ECT2: variants seen among roughly 807,000 people sequenced by gnomAD.
ECT2 encodes the protein protein ECT2.
Under a neutral mutation model 116.9 loss-of-function variants are expected in ECT2, and 61 were observed. The observed-to-expected ratio is 0.52, with a 90% CI of 0.42 to 0.65. The LOEUF is 0.65. Ranked by LOEUF, ECT2 falls within the 30% of genes least tolerant of loss-of-function variation. The pLI is 0.00. For synonymous variants in ECT2, 358 were observed against 346.4 expected (o/e 1.03, Z -0.37); for missense variants, 937 against 1,078.7 (o/e 0.87, Z 1.84).
At chr3:172,781,156 C>T (rs920623728) in intron 14 of ECT2, among the ~76,000 whole-genome samples, 1 of 152,062 alleles carries the variant, frequency 6.6e-6, no homozygotes, top group African/African-American at 2.4e-5. Context: ...AAAATAATAG[C>T]TCATTACATG....
Position 172,798,413 on chromosome 3 carries a change from G to A in ECT2, c.1908-4203G>A, listed in dbSNP as rs114174910. Among the ~76,000 whole-genome samples, 351 of 152,110 alleles carry A rather than the reference G, an allele frequency of 2.3e-3. 2 individuals are homozygous for A. The highest frequency in any genetic ancestry group is 4.2e-3 in the Non-Finnish European group (283 of 67,994). ...TCATGAAAATGATTCTATCCAACAA[G>A]TGCCCTAAAGTCAAGTTTCTGATAA... On this transcript the variant is annotated intron_variant, in intron 18 of 24. Coordinates refer to ENST00000392692, the MANE Select transcript of ECT2 (RefSeq NM_001258315.2).
At chr3:172,771,915 G>A (rs1236892789) in intron 13 of ECT2, among the ~76,000 whole-genome samples, 1 of 152,176 alleles carries the variant, frequency 6.6e-6, no homozygotes, top group Non-Finnish European at 1.5e-5. Flanking sequence ...TTTGACATCT[G>A]TATATCTTTT....
the ECT2 span, among the ~76,000 whole-genome samples, chr3:172,827,463 ACT>A: frequency 1.2e-3 from 190 of 152,218 alleles, 2 homozygotes; most frequent in African/African-American, 4.4e-3. Flanking sequence ...AAAGAATAAA[ACT>A]CTCATTTGCA....
At chr3:172,828,632 T>TA in the ECT2 span, 1 of 167,134 alleles carries the variant, frequency 6.0e-6, no homozygotes, top group African/African-American at 2.6e-5. Flanking sequence ...TTTTTTTTTT[T>TA]AGAAACGTTG....
chr3:172,789,135 C>A (rs1490271315), intron 18 of ECT2, among the ~76,000 whole-genome samples: 1 of 150,948 alleles, frequency 6.6e-6, no homozygotes, highest in Non-Finnish European at 1.5e-5. Context: ...GGGATCTTGC[C>A]TTGATGTTGA....
chr3:172,798,874 T>C (rs1454373121), intron 18 of ECT2, among the ~76,000 whole-genome samples: 3 of 152,202 alleles, frequency 2.0e-5, no homozygotes, highest in Non-Finnish European at 4.4e-5. Flanking sequence ...AAATGTCATA[T>C]TTGACAATAT....
Position 172,768,031 on chromosome 3 carries a change from C to T in ECT2, c.1292-976C>T, listed in dbSNP as rs563637795. ...ACAGGAGTGAGCCACCGTGCCTGGC[C>T]GCAAATTTTTTTCTTTCATGAAATG... On this transcript the variant is annotated intron_variant, in intron 12 of 24. Coordinates refer to ENST00000392692, the MANE Select transcript of ECT2 (RefSeq NM_001258315.2). Among the ~76,000 whole-genome samples the T allele has an allele frequency of 5.3e-5, 8 of 152,180 alleles. No individual in the cohort carries two copies. The South Asian group carries it at 1.2e-3, about 24-fold the overall frequency.
intron 16 of ECT2, 129 bp from the exon 17 acceptor site, chr3:172,784,578 G>A (rs998133413): frequency 1.7e-5 from 11 of 653,894 alleles, no homozygotes; most frequent in African/African-American, 3.6e-5. Context: ...AATCAGCCAC[G>A]GAGAAATTCC....
intron 5 of ECT2, among the ~76,000 whole-genome samples, chr3:172,758,061 T>C (rs1299269351): frequency 6.6e-6 from 1 of 152,118 alleles, no homozygotes; most frequent in Non-Finnish European, 1.5e-5. Context: ...GATTTCACCA[T>C]GTTGGCCAGG....
downstream of ECT2, chr3:172,821,578 ATTCC>A (rs1252036405): frequency 6.6e-6 from 1 of 151,828 alleles, no homozygotes. Context: ...TTACTTGTTT[ATTCC>A]TTCCTCCAGT....
At chr3:172,798,418 C>T (rs1726129047) in intron 18 of ECT2, among the ~76,000 whole-genome samples, 1 of 151,932 alleles carries the variant, frequency 6.6e-6, no homozygotes, top group Non-Finnish European at 1.5e-5. Flanking sequence ...AACAAGTGCC[C>T]TAAAGTCAAG....
At chr3:172,758,579 T>C (rs905814899) in intron 5 of ECT2, among the ~76,000 whole-genome samples, 18 of 152,156 alleles carry the variant, frequency 1.2e-4, no homozygotes, top group African/African-American at 3.9e-4. Flanking sequence ...TAAGTGTGTG[T>C]ATTATATTTA....
chr3:172,780,149 T>C (rs1722432906), intron 14 of ECT2, among the ~76,000 whole-genome samples: 1 of 152,190 alleles, frequency 6.6e-6, no homozygotes, highest in African/African-American at 2.4e-5. Context: ...TATGTATATA[T>C]ACATAGCATA....
intron 18 of ECT2, among the ~76,000 whole-genome samples, chr3:172,795,734 G>A (rs1337961584): frequency 1.3e-5 from 2 of 152,092 alleles, no homozygotes; most frequent in African/African-American, 4.8e-5. Flanking sequence ...AACTTTGCAA[G>A]TAATTTGAAA....
rs2109436622 is a variant in ECT2, at chr3:172,820,771, TCTC to T, written c.*535_*537del. 6.6e-6 allele frequency: 1 copy of T among 152,112 alleles called. No homozygotes were observed. Among genetic ancestry groups the T allele is most frequent in the Non-Finnish European group, 1.5e-5 (1 of 67,872 alleles). The allele number at this position is 152,112 out of a possible 1,614,324, so 9.4% of individuals were successfully genotyped here. A position where few individuals can be genotyped will look rare whatever the true frequency, so the allele number is the denominator to read the frequency against. ...CCACTCCTTTCACAGTTTATTTTCT[TCTC>T]AAGCGTTTTCAAGATCTAGCATGTG... On this transcript the variant is annotated 3_prime_UTR_variant, in exon 25 of 25. Coordinates refer to ENST00000392692, the MANE Select transcript of ECT2 (RefSeq NM_001258315.2).
chr3:172,777,078 G>T (rs752614209), intron 14 of ECT2, among the ~76,000 whole-genome samples: 7 of 151,938 alleles, frequency 4.6e-5, no homozygotes, highest in African/African-American at 7.3e-5. Flanking sequence ...CACCACATTG[G>T]CCAGGCAGGT....
intron 22 of ECT2, among the ~76,000 whole-genome samples, chr3:172,812,566 C>T (rs1728963972): frequency 6.6e-6 from 1 of 151,922 alleles, no homozygotes; most frequent in African/African-American, 2.4e-5. Context: ...AAAAATAAAA[C>T]ATAACAGAAG....
At chr3:172,775,710 T>C (rs1229606347) in intron 14 of ECT2, among the ~76,000 whole-genome samples, 1 of 151,740 alleles carries the variant, frequency 6.6e-6, no homozygotes, top group East Asian at 1.9e-4. Flanking sequence ...CTTGGCTCAC[T>C]GCAACCTCTG....
Position 172,818,022 on chromosome 3 carries a change from A to C in ECT2, c.2655+1185A>C, listed in dbSNP as rs191131312. 2.0e-4 allele frequency among the ~76,000 whole-genome samples: 30 copies of C among 152,256 alleles called. No homozygotes were observed. In the East Asian group the frequency reaches 4.4e-3, roughly 22 times the overall value. ...AAGGATTAAGCGAGTTATTATATGT[A>C]AAGTGCTTAGAACAGTACCTGGCAC... On this transcript the variant is annotated intron_variant, in intron 24 of 24. Transcript: ENST00000392692.
Sources: gnomAD v4.1 joint callset for allele counts (sites outside exome capture counted in the v4.1 genomes callset) on GRCh38, gnomAD v4.1.1 for gene constraint, MANE v1.5 for transcripts, NCBI Gene and HGNC (gene_info 2026-07-23, HGNC 2026-07-21) for gene names.